Variants in CDKAL1 observed in about 807,000 individuals in gnomAD.
CDKAL1 encodes CDKAL1 threonylcarbamoyladenosine tRNA methylthiotransferase.
In CDKAL1, 32 loss-of-function variants were observed where a neutral mutation model predicts 68.2. The ratio of observed to expected loss-of-function variants is 0.47; its 90% confidence interval spans 0.35 to 0.63. The LOEUF is 0.63. CDKAL1 is among the 30% of genes least tolerant of loss of function. The pLI is 0.00. For synonymous variants in CDKAL1, 234 were observed against 244.3 expected, an observed-to-expected ratio of 0.96 and a Z score of 0.39; for missense variants, 606 against 696.7, an observed-to-expected ratio of 0.87 and a Z score of 1.47.
At chr6:20,759,946 C>T (rs6909558) in intron 7 of CDKAL1, among the ~76,000 whole-genome samples, 17,335 of 151,876 alleles carry the variant, frequency 0.11, 1,204 homozygotes, top group East Asian at 0.34. Context: ...ATAGTCTCCA[C>T]GTGCCAAACT....
At chr6:21,093,039 C>A (rs920459018) in intron 12 of CDKAL1, among the ~76,000 whole-genome samples, 6 of 151,740 alleles carry the variant, frequency 4.0e-5, no homozygotes. Context: ...ACAGGGTAAA[C>A]AAAGAAAGGA....
At chr6:20,709,386 A>G (rs1443727483) in intron 5 of CDKAL1, among the ~76,000 whole-genome samples, 1 of 152,068 alleles carries the variant, frequency 6.6e-6, no homozygotes, top group African/African-American at 2.4e-5. Flanking sequence ...TTGAGCACCA[A>G]TGTGATGCTC....
intron 9 of CDKAL1, among the ~76,000 whole-genome samples, chr6:20,869,853 G>T (rs544073805): frequency 3.0e-4 from 45 of 152,158 alleles, no homozygotes; most frequent in Admixed American, 1.6e-3. Flanking sequence ...GCATCTGATG[G>T]CTGATTTTTT....
chr6:20,609,312 C>CCT (rs1561963152), intron 4 of CDKAL1, among the ~76,000 whole-genome samples: 2 of 52,388 alleles, frequency 3.8e-5, no homozygotes, highest in Middle Eastern at 0.011. Flanking sequence ...TCCTCCTCCT[C>CCT]CCCCCTCCTC....
At chr6:20,831,409 C>T (rs183789928) in intron 8 of CDKAL1, among the ~76,000 whole-genome samples, 4 of 96,726 alleles carry the variant, frequency 4.1e-5, no homozygotes, top group Non-Finnish European at 4.5e-5. Flanking sequence ...GTGCGATGTG[C>T]GGACGAGTGT....
chr6:21,208,170 A>G (rs1363782585), intron 15 of CDKAL1, among the ~76,000 whole-genome samples: 2 of 152,156 alleles, frequency 1.3e-5, no homozygotes, highest in Non-Finnish European at 2.9e-5. Flanking sequence ...TCACTTGAGC[A>G]GTTAGATAGC....
intron 4 of CDKAL1, among the ~76,000 whole-genome samples, chr6:20,556,437 A>G (rs1004557939): frequency 4.6e-5 from 7 of 151,954 alleles, no homozygotes; most frequent in Non-Finnish European, 1.0e-4. Context: ...GTCCATTCCT[A>G]CCTCCTTAAT....
At chr6:21,081,572 CTTTTT>C (rs201718303) in intron 12 of CDKAL1, among the ~76,000 whole-genome samples, 1 of 137,464 alleles carries the variant, frequency 7.3e-6, no homozygotes, top group Non-Finnish European at 1.6e-5. Flanking sequence ...AATGATATAT[CTTTTT>C]TTTTTTTTTT....
intron 9 of CDKAL1, among the ~76,000 whole-genome samples, chr6:20,923,109 C>T (rs1387636456): frequency 3.3e-5 from 5 of 152,012 alleles, no homozygotes; most frequent in African/African-American, 9.7e-5. Flanking sequence ...TTGGTAGAAA[C>T]AGGGTCTTGC....
intron 5 of CDKAL1, among the ~76,000 whole-genome samples, chr6:20,705,803 T>C (rs1399739274): frequency 1.3e-5 from 2 of 152,194 alleles, no homozygotes; most frequent in African/African-American, 4.8e-5. Context: ...GCTTTCCCTT[T>C]CCTTGGTGTA....
In CDKAL1 at chr6:21,180,965, G is replaced by A. The variant is rs62404537; in HGVS notation, c.1300-17056G>A. On this transcript the variant is annotated intron_variant, in intron 13 of 15. Coordinates refer to ENST00000274695, the MANE Select transcript of CDKAL1 (RefSeq NM_017774.3). ...TTTATTTCTCACAGTTCTAGAGGCC[G>A]TGAAGTCCAAGAGCCTGGCAGCAGC... Among the ~76,000 whole-genome samples, 1,450 of 152,208 alleles carry A rather than the reference G, an allele frequency of 9.5e-3. 9 individuals are homozygous for A. The highest frequency in any genetic ancestry group is 0.015 in the Non-Finnish European group (1,010 of 68,014).
chr6:20,990,340 G>A (rs1453907580), intron 10 of CDKAL1, among the ~76,000 whole-genome samples: 1 of 152,144 alleles, frequency 6.6e-6, no homozygotes, highest in East Asian at 1.9e-4. Context: ...TTTTATCATT[G>A]GTTTCAAGAT....
intron 13 of CDKAL1, among the ~76,000 whole-genome samples, chr6:21,174,063 A>AAGAGAGAT (rs1424261621): frequency 6.6e-6 from 1 of 152,208 alleles, no homozygotes; most frequent in Non-Finnish European, 1.5e-5. Flanking sequence ...GACAGAAAAA[A>AAGAGAGAT]AGAGAGATCC....
chr6:20,571,560 A>G (rs866505060), intron 4 of CDKAL1, among the ~76,000 whole-genome samples: 22 of 152,096 alleles, frequency 1.4e-4, no homozygotes, highest in Non-Finnish European at 2.8e-4. Flanking sequence ...TTTTGGGGGG[A>G]AAAGTACCCT....
chr6:21,203,865 C>T (rs2151111332), intron 15 of CDKAL1, among the ~76,000 whole-genome samples: 1 of 152,036 alleles, frequency 6.6e-6, no homozygotes, highest in Non-Finnish European at 1.5e-5. Context: ...CCCGGCTAAT[C>T]ACTTGACCTC....
chr6:20,769,573 T>C (rs1010073366), intron 7 of CDKAL1, among the ~76,000 whole-genome samples: 1 of 152,136 alleles, frequency 6.6e-6, no homozygotes, highest in Admixed American at 6.5e-5. Flanking sequence ...TCATTATCAA[T>C]GCAATTATTT....
Position 20,675,480 on chromosome 6 carries a change from C to T in CDKAL1, c.371+26103C>T, listed in dbSNP as rs552288888. Among the ~76,000 whole-genome samples the T allele has an allele frequency of 4.6e-5, 7 of 152,152 alleles. No homozygotes were observed. In the East Asian group the frequency reaches 5.8e-4, roughly 13 times the overall value. On this transcript the variant is annotated intron_variant, in intron 5 of 15. Transcript: ENST00000274695. The stretch of plus-strand genomic sequence containing the variant: ...TCTTGGTTTTAAATATACAGTCATG[C>T]GTTGCATTTTCAGTCAGTGATGGAC...
intron 5 of CDKAL1, among the ~76,000 whole-genome samples, chr6:20,709,898 G>C (rs554625770): frequency 6.6e-6 from 1 of 152,148 alleles, no homozygotes; most frequent in East Asian, 1.9e-4. Flanking sequence ...TGTTTTTATT[G>C]GGCCAAATTG....
chr6:20,881,438 G>A lies in CDKAL1; in HGVS notation c.742+35260G>A, dbSNP rs189035377. Among the ~76,000 whole-genome samples the A allele has an allele frequency of 3.7e-4, 57 of 152,224 alleles. 1 individual carries two copies. In the East Asian group the frequency reaches 0.011, roughly 29 times the overall value. On this transcript the variant is annotated intron_variant, in intron 9 of 15. Coordinates refer to ENST00000274695, the MANE Select transcript of CDKAL1 (RefSeq NM_017774.3). ...TCATTTTTCATTCTGAATTCTGTATGCTTGTTATTGAGAACTGATTGTCAT... is the reference window on the plus strand; with the variant it reads ...TCATTTTTCATTCTGAATTCTGTATACTTGTTATTGAGAACTGATTGTCAT...
Sources: allele counts gnomAD v4.1 joint callset (sites outside exome capture counted in the v4.1 genomes callset), GRCh38; gene constraint gnomAD v4.1.1; transcripts MANE v1.5; gene names NCBI Gene and HGNC (gene_info 2026-07-23, HGNC 2026-07-21).